Variants in NEURL1 observed in about 807,000 individuals in gnomAD.
NEURL1 encodes E3 ubiquitin-protein ligase NEURL1.
NEURL1 carries 26 observed loss-of-function variants against 41.2 expected under a neutral mutation model. The observed-to-expected ratio is 0.63, with a 90% confidence interval of 0.46 to 0.87. The LOEUF (loss-of-function observed/expected upper bound fraction) is 0.87, where lower values mean the gene tolerates loss of function less well. Among genes scored for constraint, NEURL1 ranks in the 40% least tolerant of loss-of-function variants. The pLI, the probability that NEURL1 is intolerant of heterozygous loss-of-function variation, is 0.00. For synonymous variants in NEURL1, 400 were observed against 402.3 expected, an observed-to-expected ratio of 0.99 and a Z score of 0.07; for missense variants, 761 against 871.1, an observed-to-expected ratio of 0.87 and a Z score of 1.59.
chr10:103,531,231 G>A (rs2034563763), intron 1 of NEURL1, among the ~76,000 whole-genome samples: 1 of 151,794 alleles, frequency 6.6e-6, no homozygotes, highest in Admixed American at 6.6e-5. Flanking sequence ...AAAAAAAAAT[G>A]TGTTCTAGAG....
At position 103,584,695 on chromosome 10, in the gene NEURL1, G is replaced by A. The variant is rs866501553; in HGVS notation, c.809G>A (p.Gly270Asp). The change falls in exon 4 of 6, where the codon GGC (glycine) becomes GAC (aspartate). Residue 270 changes from glycine to aspartate, a missense_variant. Coordinates refer to ENST00000369780, the MANE Select transcript of NEURL1 (RefSeq NM_004210.5). ...GGCGACGAGGCCGCGCCGGCCGCCG[G>A]CTGCCCCATCCCGCAGAACTCACTC... ...ADGDEAAPAA[G>D]CPIPQNSLNS... The A allele has an allele frequency of 4.8e-6, 7 of 1,444,784 alleles. No homozygotes were observed. The highest frequency in any genetic ancestry group is 2.7e-5 in the Admixed American group (1 of 37,294). The allele number at this position is 1,444,784 out of a possible 1,614,324, so 89.5% of individuals were successfully genotyped here.
intron 4 of NEURL1, among the ~76,000 whole-genome samples, chr10:103,587,392 T>C (rs985236243): frequency 1.3e-5 from 2 of 152,108 alleles, no homozygotes; most frequent in African/African-American, 2.4e-5. Context: ...AAGAGGAGGA[T>C]AGGCCAAGGT....
intron 3 of NEURL1, among the ~76,000 whole-genome samples, chr10:103,584,148 C>T (rs1027020959): frequency 1.4e-4 from 22 of 152,100 alleles, no homozygotes; most frequent in African/African-American, 5.3e-4. Flanking sequence ...TACTGTTTGT[C>T]AACAGAATGC....
At chr10:103,542,253 G>A (rs775590307) in intron 1 of NEURL1, among the ~76,000 whole-genome samples, 3 of 152,144 alleles carry the variant, frequency 2.0e-5, no homozygotes, top group Non-Finnish European at 4.4e-5. Flanking sequence ...CTGGGCATCA[G>A]TAATTGTTTT....
intron 1 of NEURL1, among the ~76,000 whole-genome samples, chr10:103,535,003 C>T (rs2034661220): frequency 6.6e-6 from 1 of 152,050 alleles, no homozygotes; most frequent in South Asian, 2.1e-4. Context: ...AGATTTGGGC[C>T]TGGGAGACAA....
chr10:103,540,431 A>G (rs1387709670), intron 1 of NEURL1, among the ~76,000 whole-genome samples: 1 of 151,512 alleles, frequency 6.6e-6, no homozygotes, highest in Non-Finnish European at 1.5e-5. Flanking sequence ...CTAGGACTAT[A>G]GCCGTGTGCC....
At chr10:103,571,192 C>A in intron 2 of NEURL1, 79 bp downstream of exon 2, 1 of 1,441,810 alleles carries the variant, frequency 6.9e-7, no homozygotes, top group Non-Finnish European at 9.5e-7. Flanking sequence ...CTGGACTCTG[C>A]CCCTCAGCCG....
intron 1 of NEURL1, among the ~76,000 whole-genome samples, chr10:103,549,810 G>A (rs903794787): frequency 1.3e-5 from 2 of 152,128 alleles, no homozygotes; most frequent in Non-Finnish European, 2.9e-5. Flanking sequence ...TATACCTCCT[G>A]ATGCCTGGAT....
At chr10:103,584,449 G>T in intron 3 of NEURL1, 87 bp from the exon 4 acceptor site, 2 of 849,412 alleles carry the variant, frequency 2.4e-6, no homozygotes, top group Non-Finnish European at 3.2e-6. Flanking sequence ...GGATTGTAAC[G>T]GTGCGCGCGT....
intron 1 of NEURL1, among the ~76,000 whole-genome samples, chr10:103,532,980 G>A (rs1232400743): frequency 7.9e-6 from 1 of 126,350 alleles, no homozygotes; most frequent in Non-Finnish European, 1.6e-5. Context: ...AGGCTGGAGT[G>A]CAGTGGCGTG....
intron 1 of NEURL1, among the ~76,000 whole-genome samples, chr10:103,499,112 T>C (rs559049488): frequency 1.4e-4 from 22 of 152,358 alleles, no homozygotes; most frequent in Admixed American, 9.1e-4. Context: ...CTTCACAAAG[T>C]CACTGGTTGT....
intron 1 of NEURL1, among the ~76,000 whole-genome samples, chr10:103,560,539 C>T (rs1382883174): frequency 1.3e-5 from 2 of 152,302 alleles, no homozygotes; most frequent in East Asian, 3.9e-4. Flanking sequence ...CACTTTCTTT[C>T]ACCCACCCTG....
chr10:103,531,869 C>T (rs1037814069), intron 1 of NEURL1, among the ~76,000 whole-genome samples: 4 of 152,146 alleles, frequency 2.6e-5, no homozygotes, highest in African/African-American at 9.7e-5. Context: ...TATCTGGATG[C>T]TCCATTGTTT....
intron 1 of NEURL1, among the ~76,000 whole-genome samples, chr10:103,507,649 T>G (rs528852538): frequency 6.6e-4 from 100 of 152,112 alleles, no homozygotes; most frequent in African/African-American, 2.3e-3. Context: ...GCCGTGGGTG[T>G]GAGGTTTTAC....
intron 1 of NEURL1, among the ~76,000 whole-genome samples, chr10:103,543,377 C>T (rs1035257324): frequency 4.6e-5 from 7 of 152,206 alleles, no homozygotes; most frequent in Non-Finnish European, 8.8e-5. Flanking sequence ...TGCGAGGTCA[C>T]GGCCAGGCAA....
chr10:103,495,629 C>G (rs1382909250), intron 1 of NEURL1, among the ~76,000 whole-genome samples: 11 of 152,084 alleles, frequency 7.2e-5, no homozygotes, highest in Admixed American at 7.2e-4. Context: ...GAATTCTGTC[C>G]CTTCTTTTGC....
At chr10:103,589,769 A>G in intron 5 of NEURL1, 109 bp downstream of exon 5, 1 of 1,434,128 alleles carries the variant, frequency 7.0e-7, no homozygotes, top group African/African-American at 1.4e-5. Flanking sequence ...TGGGCTCAGT[A>G]AACCCTTGTT....
chr10:103,553,939 C>T (rs2035088839), intron 1 of NEURL1, among the ~76,000 whole-genome samples: 1 of 152,240 alleles, frequency 6.6e-6, no homozygotes. Context: ...TGGATGGTGA[C>T]ATTGTCCCTC....
chr10:103,541,137 A>G (rs1428290926), intron 1 of NEURL1, among the ~76,000 whole-genome samples: 1 of 152,164 alleles, frequency 6.6e-6, no homozygotes, highest in Non-Finnish European at 1.5e-5. Flanking sequence ...TGTAGGAAGG[A>G]TTAGGGATGG....
Sources: gnomAD v4.1 joint callset for allele counts (sites outside exome capture counted in the v4.1 genomes callset) on GRCh38, gnomAD v4.1.1 for gene constraint, MANE v1.5 for transcripts, NCBI Gene and HGNC (gene_info 2026-07-23, HGNC 2026-07-21) for gene names.